The following CENPW variants were observed in gnomAD, a reference collection of about 807,000 sequenced individuals.
The protein encoded by CENPW is cancer-up-regulated gene 2 protein.
In CENPW, 3 loss-of-function variants were observed where a neutral mutation model predicts 11.1. The ratio of observed to expected loss-of-function variants is 0.27; its 90% CI spans 0.12 to 0.70. The LOEUF is 0.70. Ranked by LOEUF, CENPW falls within the 30% of genes least tolerant of loss-of-function variation. The pLI is 0.77. For synonymous variants in CENPW, 38 were observed against 42.0 expected (o/e 0.91, Z 0.37); for missense variants, 100 against 105.6 (o/e 0.95, Z 0.23).
the CENPW span, among the ~76,000 whole-genome samples, chr6:126,480,231 T>A: frequency 6.6e-6 from 1 of 152,038 alleles, no homozygotes; most frequent in East Asian, 1.9e-4. Context: ...TATAAGAAAT[T>A]CCAGAGGGTC....
the CENPW span, among the ~76,000 whole-genome samples, chr6:126,360,337 T>C: frequency 1.3e-5 from 2 of 152,166 alleles, no homozygotes; most frequent in Non-Finnish European, 2.9e-5. Context: ...CTGACCTTTC[T>C]CTCTAGGTGT....
the CENPW span, among the ~76,000 whole-genome samples, chr6:126,381,425 C>T: frequency 6.6e-6 from 1 of 152,092 alleles, no homozygotes; most frequent in Non-Finnish European, 1.5e-5. Context: ...ATGTGAGCAC[C>T]TACCTCTGTT....
the CENPW span, among the ~76,000 whole-genome samples, chr6:126,411,464 C>T: frequency 6.6e-6 from 1 of 152,262 alleles, no homozygotes; most frequent in Admixed American, 6.5e-5. Flanking sequence ...TGTACAGATG[C>T]TTGAAGTAGC....
chr6:126,437,858 A>G, the CENPW span, among the ~76,000 whole-genome samples: 1 of 151,800 alleles, frequency 6.6e-6, no homozygotes, highest in Non-Finnish European at 1.5e-5. Flanking sequence ...AAATCAGTTG[A>G]TAGTAGAAGG....
the CENPW span, among the ~76,000 whole-genome samples, chr6:126,447,951 TG>T: frequency 1.3e-5 from 2 of 151,362 alleles, no homozygotes; most frequent in African/African-American, 4.8e-5. Context: ...TTTGCTTTCA[TG>T]AATATGTATT....
chr6:126,377,446 G>C, the CENPW span, among the ~76,000 whole-genome samples: 1 of 152,146 alleles, frequency 6.6e-6, no homozygotes, highest in Admixed American at 6.5e-5. Context: ...TGGTATCACT[G>C]TCTACTTAAT....
chr6:126,426,194 A>T, the CENPW span, among the ~76,000 whole-genome samples: 1 of 152,194 alleles, frequency 6.6e-6, no homozygotes, highest in Non-Finnish European at 1.5e-5. Flanking sequence ...TCATAGTTAG[A>T]TGTTAGCTCT....
At chr6:126,424,049 T>A in the CENPW span, among the ~76,000 whole-genome samples, 1 of 152,054 alleles carries the variant, frequency 6.6e-6, no homozygotes, top group Non-Finnish European at 1.5e-5. Flanking sequence ...TAGAAAAAAA[T>A]TTGTATTAAA....
At chr6:126,447,000 A>C in the CENPW span, among the ~76,000 whole-genome samples, 1 of 151,196 alleles carries the variant, frequency 6.6e-6, no homozygotes, top group Non-Finnish European at 1.5e-5. Flanking sequence ...TGAATTATTC[A>C]CCTGGAAGGA....
At chr6:126,467,394 A>G in the CENPW span, among the ~76,000 whole-genome samples, 11 of 152,182 alleles carry the variant, frequency 7.2e-5, no homozygotes, top group Non-Finnish European at 1.6e-4. Flanking sequence ...CAATGGGGAA[A>G]GTACTTCTTA....
At chr6:126,476,970 C>T in the CENPW span, among the ~76,000 whole-genome samples, 1 of 151,866 alleles carries the variant, frequency 6.6e-6, no homozygotes, top group East Asian at 1.9e-4. Context: ...CTTAATTCTC[C>T]CTATATAGTA....
the CENPW span, among the ~76,000 whole-genome samples, chr6:126,423,316 G>A: frequency 6.6e-6 from 1 of 151,888 alleles, no homozygotes; most frequent in African/African-American, 2.4e-5. Flanking sequence ...TTCTACATTT[G>A]TTCTAAACAG....
At chr6:126,365,890 GA>G in the CENPW span, among the ~76,000 whole-genome samples, 1 of 152,132 alleles carries the variant, frequency 6.6e-6, no homozygotes, top group Non-Finnish European at 1.5e-5. Flanking sequence ...TGTGGATGAT[GA>G]AACAACTTAA....
At chr6:126,368,909 C>T in the CENPW span, among the ~76,000 whole-genome samples, 3 of 152,006 alleles carry the variant, frequency 2.0e-5, no homozygotes, top group Non-Finnish European at 2.9e-5. Context: ...CTCCCAAAGT[C>T]CCAATGTGTA....
the CENPW span, among the ~76,000 whole-genome samples, chr6:126,405,085 C>T: frequency 6.6e-6 from 1 of 151,830 alleles, no homozygotes; most frequent in Non-Finnish European, 1.5e-5. Flanking sequence ...GTCCAATGTC[C>T]AATATAAGAC....
chr6:126,478,640 A>G, the CENPW span, among the ~76,000 whole-genome samples: 1 of 151,890 alleles, frequency 6.6e-6, no homozygotes, highest in East Asian at 1.9e-4. Flanking sequence ...CTTTATTTGC[A>G]TTTTGAAGAG....
the CENPW span, among the ~76,000 whole-genome samples, chr6:126,441,844 ACT>A: frequency 2.0e-5 from 3 of 151,180 alleles, no homozygotes; most frequent in Non-Finnish European, 4.4e-5. Context: ...TTCTTTATCC[ACT>A]CATTGATTAA....
At chr6:126,432,015 A>G in the CENPW span, among the ~76,000 whole-genome samples, 1 of 149,186 alleles carries the variant, frequency 6.7e-6, no homozygotes, top group South Asian at 2.2e-4. Flanking sequence ...TGGTGAGCCA[A>G]GATCACACCA....
the CENPW span, among the ~76,000 whole-genome samples, chr6:126,428,802 A>T: frequency 1.3e-5 from 2 of 152,198 alleles, no homozygotes; most frequent in Non-Finnish European, 2.9e-5. Flanking sequence ...AAAGTTGGAT[A>T]CATAATTTTT....
Sources: gnomAD v4.1 joint callset for allele counts (sites outside exome capture counted in the v4.1 genomes callset) on GRCh38, gnomAD v4.1.1 for gene constraint, MANE v1.5 for transcripts, NCBI Gene and HGNC (gene_info 2026-07-23, HGNC 2026-07-21) for gene names.